KCNIP1: variants seen among roughly 807,000 people sequenced by gnomAD.
KCNIP1 encodes potassium voltage-gated channel interacting protein 1, also known as A-type potassium channel modulatory protein KCNIP1.
A neutral mutation model predicts 33.0 loss-of-function variants in KCNIP1; 18 were observed. The observed-to-expected ratio is 0.55, with a 90% CI of 0.38 to 0.81. The LOEUF is 0.81. Ranked by LOEUF, KCNIP1 falls within the 30% of genes least tolerant of loss-of-function variation. KCNIP1 has a pLI of 0.00. For synonymous variants in KCNIP1, 93 were observed against 98.3 expected (o/e 0.95, Z 0.32); for missense variants, 238 against 271.6 (o/e 0.88, Z 0.87).
At chr5:170,368,592 T>C (rs921625058) in intron 1 of KCNIP1, among the ~76,000 whole-genome samples, 2 of 152,188 alleles carry the variant, frequency 1.3e-5, no homozygotes, top group African/African-American at 4.8e-5. Context: ...TCTCTGCATT[T>C]TCTGAATTGT....
intron 1 of KCNIP1, among the ~76,000 whole-genome samples, chr5:170,621,774 G>T (rs1168745580): frequency 6.6e-6 from 1 of 152,202 alleles, no homozygotes; most frequent in Non-Finnish European, 1.5e-5. Context: ...CTCCCAAAGT[G>T]CTGGGATTAC....
At chr5:170,731,689 G>A (rs2113895447) in intron 5 of KCNIP1, among the ~76,000 whole-genome samples, 1 of 119,050 alleles carries the variant, frequency 8.4e-6, no homozygotes, top group Middle Eastern at 4.4e-3. Flanking sequence ...GCAAGAACCT[G>A]TCTCAAAAAA....
intron 1 of KCNIP1, among the ~76,000 whole-genome samples, chr5:170,652,743 C>T (rs1761097764): frequency 6.6e-6 from 1 of 152,182 alleles, no homozygotes; most frequent in African/African-American, 2.4e-5. Flanking sequence ...CTAACATTTA[C>T]TTACATGCCT....
intron 3 of KCNIP1, 42 bp downstream of exon 3, chr5:170,720,432 T>C (rs1388067913): frequency 6.8e-7 from 1 of 1,468,492 alleles, no homozygotes; most frequent in East Asian, 2.3e-5. Flanking sequence ...GCTCCCTCTC[T>C]GGTAAGCAGC....
chr5:170,556,265 G>A (rs1756843656), intron 1 of KCNIP1, among the ~76,000 whole-genome samples: 1 of 152,170 alleles, frequency 6.6e-6, no homozygotes, highest in Admixed American at 6.5e-5. Flanking sequence ...CAAAATCGCT[G>A]TGCTAGAAAA....
chr5:170,702,130 C>A (rs1763119367), intron 1 of KCNIP1, among the ~76,000 whole-genome samples: 1 of 152,236 alleles, frequency 6.6e-6, no homozygotes, highest in Admixed American at 6.5e-5. Context: ...GCTCTATTTC[C>A]ATTCACAGCT....
At chr5:170,513,302 A>G (rs1226637205) in intron 1 of KCNIP1, among the ~76,000 whole-genome samples, 4 of 152,232 alleles carry the variant, frequency 2.6e-5, no homozygotes, top group Non-Finnish European at 1.5e-5. Context: ...TGGTTTGCCC[A>G]CAATCACACA....
In KCNIP1 at chr5:170,549,505, A is replaced by C. The variant is rs1756530305; in HGVS notation, c.61+44872A>C. On this transcript the variant is annotated intron_variant, in intron 1 of 7. Transcript: ENST00000328939. Reference sequence around the variant, plus strand: ...ATTTATGCAACTAATTGATAAAATTATCATCTGTCTCTTAACCAGATTAAT... The same window carrying C: ...ATTTATGCAACTAATTGATAAAATTCTCATCTGTCTCTTAACCAGATTAAT... Among the ~76,000 whole-genome samples, 2 of 152,224 alleles carry C rather than the reference A, an allele frequency of 1.3e-5. 1 individual carries two copies. Among genetic ancestry groups the C allele is most frequent in the South Asian group, 4.1e-4 (2 of 4,832 alleles).
At chr5:170,462,264 C>G (rs1478804997) in intron 1 of KCNIP1, among the ~76,000 whole-genome samples, 2 of 52,046 alleles carry the variant, frequency 3.8e-5, no homozygotes, top group African/African-American at 1.6e-4. Flanking sequence ...AACAAATTAG[C>G]AAAAAAAAAA....
At chr5:170,517,707 ATGGT>A (rs2113292661) in intron 1 of KCNIP1, among the ~76,000 whole-genome samples, 1 of 150,550 alleles carries the variant, frequency 6.6e-6, no homozygotes, top group South Asian at 2.1e-4. Flanking sequence ...GGTGATGGTG[ATGGT>A]AGTAGTGATG....
Position 170,361,070 on chromosome 5 carries a change from C to T in KCNIP1, c.88+7106C>T, listed in dbSNP as rs77795435. On this transcript the variant is annotated intron_variant, in intron 1 of 7. Coordinates refer to the KCNIP1 transcript ENST00000377360. ...CAAAGGCCTGTTCCTGCCCCCATTC[C>T]GCTCTCATGCTCTGCTGGGGGACTG... is the stretch of plus-strand genomic sequence containing the variant. Among the ~76,000 whole-genome samples the T allele has an allele frequency of 4.4e-3, 675 of 152,320 alleles. 7 individuals are homozygous for T. Among genetic ancestry groups the T allele is most frequent in the African/African-American group, 0.015 (633 of 41,560 alleles).
At chr5:170,667,740 A>G (rs1486021114) in intron 1 of KCNIP1, among the ~76,000 whole-genome samples, 1 of 152,274 alleles carries the variant, frequency 6.6e-6, no homozygotes, top group East Asian at 1.9e-4. Flanking sequence ...TGACTATCCC[A>G]TAAGGTTGCT....
chr5:170,718,788 T>C lies in KCNIP1; in HGVS notation c.92T>C (p.Met31Thr), dbSNP rs748677083. The C allele has an allele frequency of 1.2e-5, 20 of 1,613,060 alleles. No individual in the cohort carries two copies. Among genetic ancestry groups the C allele is most frequent in the Non-Finnish European group, 1.7e-5 (20 of 1,179,730 alleles). ...ATTGAAGATGAGCTGGAGATGACCA[T>C]GGTTTGCCATCGGCCCGAGGGACTG... Reference protein sequence around the residue: ...DKIEDELEMTMVCHRPEGLEQ... With the variant: ...DKIEDELEMTTVCHRPEGLEQ... Residue 31 changes from methionine (M) to threonine (T), a missense_variant, in exon 2 of 8, where the codon ATG (methionine) becomes ACG (threonine). Coordinates refer to ENST00000328939, the MANE Select transcript of KCNIP1 (RefSeq NM_014592.4).
At chr5:170,622,990 A>G (rs1421168750) in intron 1 of KCNIP1, among the ~76,000 whole-genome samples, 2 of 152,246 alleles carry the variant, frequency 1.3e-5, no homozygotes, top group Non-Finnish European at 2.9e-5. Context: ...ATCATCAGGC[A>G]TTAGCATTAG....
At chr5:170,730,529 T>A (rs1764158928) in intron 5 of KCNIP1, among the ~76,000 whole-genome samples, 1 of 152,084 alleles carries the variant, frequency 6.6e-6, no homozygotes, top group South Asian at 2.1e-4. Flanking sequence ...GCTCTTTCTG[T>A]GATTAAAAAA....
chr5:170,467,299 A>G (rs1756628930), intron 1 of KCNIP1, among the ~76,000 whole-genome samples: 2 of 152,206 alleles, frequency 1.3e-5, no homozygotes, highest in Non-Finnish European at 2.9e-5. Flanking sequence ...TGCTGATGTG[A>G]CATTGTCCAA....
At chr5:170,534,186 A>G (rs1214990823) in intron 1 of KCNIP1, among the ~76,000 whole-genome samples, 1 of 152,260 alleles carries the variant, frequency 6.6e-6, no homozygotes, top group African/African-American at 2.4e-5. Flanking sequence ...GAAGCAAGAC[A>G]AAGAAAACCA....
rs190756399 is a variant in KCNIP1, at chr5:170,689,646, G to A, written c.62-29112G>A. ...TTTTGAAGGATGTATAGCAGCTATA[G>A]AGGCAGAGAAGAGGAAAAAAGTCAT... On this transcript the variant is annotated intron_variant, in intron 1 of 7. Coordinates refer to ENST00000328939, the MANE Select transcript of KCNIP1 (RefSeq NM_014592.4). Among the ~76,000 whole-genome samples the A allele has an allele frequency of 3.6e-4, 55 of 152,326 alleles. No individual in the cohort carries two copies. In the East Asian group the frequency reaches 9.7e-3, roughly 27 times the overall value.
intron 1 of KCNIP1, among the ~76,000 whole-genome samples, chr5:170,566,426 C>T (rs961082585): frequency 5.9e-5 from 9 of 152,156 alleles, no homozygotes; most frequent in East Asian, 5.8e-4. Context: ...TTCATTTAAG[C>T]TTTTAAAGGA....
Sources: gnomAD v4.1 joint callset for allele counts (sites outside exome capture counted in the v4.1 genomes callset) on GRCh38, gnomAD v4.1.1 for gene constraint, MANE v1.5 for transcripts, NCBI Gene and HGNC (gene_info 2026-07-23, HGNC 2026-07-21) for gene names.